REV1: variants seen among roughly 807,000 people sequenced by gnomAD.
REV1 encodes the protein REV1 DNA directed polymerase, also known as translesion synthesis protein REV1.
Under a neutral mutation model 137.4 loss-of-function variants are expected in REV1, and 42 were observed. The observed-to-expected ratio is 0.31, with a 90% CI of 0.24 to 0.40. The LOEUF (loss-of-function observed/expected upper bound fraction) is 0.40. Ranked by LOEUF, REV1 falls within the 10% of genes least tolerant of loss-of-function variation. REV1 has a pLI of 1.00. For missense variants in REV1, 1,282 were observed against 1,490.1 expected, an observed-to-expected ratio of 0.86 and a Z score of 2.30; for synonymous variants, 524 against 519.2, an observed-to-expected ratio of 1.01 and a Z score of -0.12.
chr2:99,468,036 C>T (rs963840891), intron 1 of REV1, among the ~76,000 whole-genome samples: 3 of 152,052 alleles, frequency 2.0e-5, no homozygotes, highest in East Asian at 1.9e-4. Context: ...AAAAATTAGC[C>T]GGGCATGGTG....
At chr2:99,401,780 TTTTTA>T (rs903243398) in intron 22 of REV1, among the ~76,000 whole-genome samples, 1 of 152,090 alleles carries the variant, frequency 6.6e-6, no homozygotes, top group African/African-American at 2.4e-5. Context: ...CTCAAATTTT[TTTTTA>T]TTTTGTTTTG....
intron 21 of REV1, 78 bp downstream of exon 21, chr2:99,402,566 A>T: frequency 7.3e-7 from 1 of 1,369,204 alleles, no homozygotes; most frequent in Non-Finnish European, 1.0e-6. Context: ...AAATCTGCAT[A>T]GTTTAGTCTG....
chr2:99,474,831 G>C (rs1026265206), intron 1 of REV1, among the ~76,000 whole-genome samples: 1 of 152,058 alleles, frequency 6.6e-6, no homozygotes, highest in Non-Finnish European at 1.5e-5. Context: ...GAACGCGGTA[G>C]GCAGAGGTTG....
At chr2:99,412,006 G>A (rs1218346459) in intron 13 of REV1, among the ~76,000 whole-genome samples, 1 of 151,144 alleles carries the variant, frequency 6.6e-6, no homozygotes, top group African/African-American at 2.5e-5. Context: ...GGCTGAGGCG[G>A]GCAGATCACA....
At chr2:99,450,507 T>C (rs1682800617) in intron 3 of REV1, among the ~76,000 whole-genome samples, 1 of 152,204 alleles carries the variant, frequency 6.6e-6, no homozygotes, top group African/African-American at 2.4e-5. Flanking sequence ...ATTTTCATTA[T>C]GACAATAATT....
chr2:99,475,786 C>G (rs1195067049), intron 1 of REV1, among the ~76,000 whole-genome samples: 2 of 152,156 alleles, frequency 1.3e-5, no homozygotes, highest in East Asian at 3.9e-4. Flanking sequence ...AGTTCAAGAC[C>G]AGCCTGGTCA....
At position 99,402,785 on chromosome 2, in the gene REV1, A is replaced by C; in HGVS notation, c.3400T>G (p.Ser1134Ala). 5 of 1,614,228 alleles carry C rather than the reference A, an allele frequency of 3.1e-6. No homozygotes were observed. Among genetic ancestry groups the C allele is most frequent in the Non-Finnish European group, 4.2e-6 (5 of 1,180,042 alleles). ...GAAAGGCCTGGCACACCTGAAGTAG[A>C]AGCAGAGAGTTCTTCCTGTTAAGAA... ...AEKPLEELSA[S>A]TSGVPGLSSL... is the part of the protein sequence containing the mutation. The change falls in exon 21 of 23, where the codon TCT (serine) becomes GCT (alanine). Residue 1134 changes from serine (S) to alanine (A), a missense_variant. By Grantham distance (99) the Ser-to-Ala change is moderately conservative. This residue lies in a region of REV1 where 170 missense variants were observed against 156.8 expected (regional missense o/e 1.08). Transcript: ENST00000258428.
chr2:99,406,304 AC>A lies in REV1; in HGVS notation c.2614+20del. 1 of 1,589,706 alleles carries A rather than the reference AC, an allele frequency of 6.3e-7. No individual in the cohort carries two copies. The highest frequency in any genetic ancestry group is 8.6e-7 in the Non-Finnish European group (1 of 1,167,730). ...GGACATAAGCAGCACCTAAAAAAGA[AC>A]CACATTGATGACCACCAACCTTCTT... On this transcript the variant is annotated intron_variant, in intron 16 of 22. Coordinates refer to ENST00000258428, the MANE Select transcript of REV1 (RefSeq NM_016316.4).
At chr2:99,449,993 T>C (rs1682737388) in intron 3 of REV1, among the ~76,000 whole-genome samples, 1 of 152,156 alleles carries the variant, frequency 6.6e-6, no homozygotes, top group Non-Finnish European at 1.5e-5. Flanking sequence ...GGCTTATTAG[T>C]AGATTTTACT....
chr2:99,486,289 G>A (rs1478338765), intron 1 of REV1, among the ~76,000 whole-genome samples: 1 of 152,208 alleles, frequency 6.6e-6, no homozygotes, highest in Non-Finnish European at 1.5e-5. Context: ...CAGCACTTTG[G>A]GAGGCTGAGG....
Position 99,417,625 on chromosome 2 carries a change from G to A in REV1, c.1951+1203C>T, listed in dbSNP as rs568646116. On this transcript the variant is annotated intron_variant, in intron 12 of 22. Transcript: ENST00000258428. ...AGGAGGGTCACCTACAAGCCAAGCA[G>A]AGGCTTCAGAAAGAGCCAACCCTGC... 7.9e-5 allele frequency among the ~76,000 whole-genome samples: 12 copies of A among 152,302 alleles called. No homozygotes were observed. In the South Asian group the frequency reaches 2.5e-3, roughly 32 times the overall value.
At chr2:99,468,180 CAAAA>C (rs61160561) in intron 1 of REV1, among the ~76,000 whole-genome samples, 1 of 137,010 alleles carries the variant, frequency 7.3e-6, no homozygotes, top group African/African-American at 2.7e-5. Context: ...AACTCCATCT[CAAAA>C]AAAAAAAAAA....
At chr2:99,460,960 G>T (rs368309442) in intron 3 of REV1, among the ~76,000 whole-genome samples, 4 of 152,074 alleles carry the variant, frequency 2.6e-5, no homozygotes, top group African/African-American at 9.7e-5. Flanking sequence ...TTCCTCCTAT[G>T]TGAATAAGGG....
chr2:99,403,606 T>C, intron 19 of REV1, 89 bp downstream of exon 19: 2 of 1,551,890 alleles, frequency 1.3e-6, no homozygotes, highest in South Asian at 1.1e-5. Flanking sequence ...CAGCTTAGAC[T>C]TTGCCCATTA....
chr2:99,479,587 T>C (rs1467761582), intron 1 of REV1, among the ~76,000 whole-genome samples: 1 of 151,704 alleles, frequency 6.6e-6, no homozygotes, highest in Non-Finnish European at 1.5e-5. Context: ...ATCTCTTGCG[T>C]GAGACCAGCC....
intron 14 of REV1, among the ~76,000 whole-genome samples, chr2:99,409,573 T>C (rs1227769861): frequency 1.3e-5 from 2 of 152,114 alleles, no homozygotes; most frequent in African/African-American, 2.4e-5. Context: ...ACCGGGCACA[T>C]TGGCTCATGC....
Position 99,441,798 on chromosome 2 carries a change from A to C in REV1, c.503+519T>G, listed in dbSNP as rs28382872. On this transcript the variant is annotated intron_variant, in intron 5 of 22. Coordinates refer to ENST00000258428, the MANE Select transcript of REV1 (RefSeq NM_016316.4). ...AGGTGAGAAACCAGTATGACTGTAA[A>C]AACTTACTTACATTTATGAAATTAT... is the stretch of plus-strand genomic sequence containing the variant. 5.1e-4 allele frequency among the ~76,000 whole-genome samples: 78 copies of C among 152,358 alleles called. 3 individuals carry two copies. In the East Asian group the frequency reaches 0.012, roughly 24 times the overall value.
At position 99,482,194 on chromosome 2, in the gene REV1, C is replaced by T. The variant is rs2104270811; in HGVS notation, c.-11+7623G>A. ...AAAAGTCCCATAAAAACTCCAGATG[C>T]TGTAGAGTAAGTGAGGTTTCCTGGC... On this transcript the variant is annotated intron_variant, in intron 1 of 22. Coordinates refer to ENST00000258428, the MANE Select transcript of REV1 (RefSeq NM_016316.4). Among the ~76,000 whole-genome samples the T allele has an allele frequency of 2.0e-5, 3 of 152,350 alleles. No homozygotes were observed. In the East Asian group the frequency reaches 5.8e-4, roughly 29 times the overall value.
intron 14 of REV1, 77 bp from the exon 15 acceptor site, chr2:99,408,208 TAA>T: frequency 1.4e-6 from 1 of 719,752 alleles, no homozygotes; most frequent in Non-Finnish European, 2.2e-6. Context: ...TGGAACTGTT[TAA>T]AAGAGTTATA....
Sources: gnomAD v4.1 joint callset for allele counts (sites outside exome capture counted in the v4.1 genomes callset) on GRCh38, gnomAD v4.1.1 for gene constraint, gnomAD v4.1.1 regional missense constraint, MANE v1.5 for transcripts, NCBI Gene and HGNC (gene_info 2026-07-23, HGNC 2026-07-21) for gene names.